The following SUSD1 variants were observed in gnomAD, a reference collection of about 807,000 sequenced individuals.
SUSD1 encodes sushi domain containing 1, also known as sushi domain-containing protein 1.
SUSD1 carries 65 observed loss-of-function variants against 86.9 expected under a neutral mutation model. That is an observed-to-expected ratio of 0.75 (90% confidence interval 0.61 to 0.92). The LOEUF (loss-of-function observed/expected upper bound fraction) is 0.92, where lower values mean the gene tolerates loss of function less well. Ranked by LOEUF, SUSD1 falls within the 40% of genes least tolerant of loss-of-function variation. The pLI is 0.00. For missense variants in SUSD1, 850 were observed against 929.7 expected (o/e 0.91, Z 1.11); for synonymous variants, 346 against 350.0 (o/e 0.99, Z 0.13).
intron 15 of SUSD1, among the ~76,000 whole-genome samples, chr9:112,045,843 G>A (rs1041089638): frequency 6.6e-6 from 1 of 152,138 alleles, no homozygotes; most frequent in South Asian, 2.1e-4. Flanking sequence ...GCCAGAATAC[G>A]CTACATCCAT....
intron 6 of SUSD1, among the ~76,000 whole-genome samples, chr9:112,117,428 ACAGTGTCCAG>A (rs910861397): frequency 2.6e-5 from 4 of 152,182 alleles, no homozygotes; most frequent in African/African-American, 9.7e-5. Context: ...GGAGGCCCCC[ACAGTGTCCAG>A]CTGAAGTCTC....
chr9:112,137,796 C>T (rs1278846386), intron 5 of SUSD1: 4 of 152,156 alleles, frequency 2.6e-5, no homozygotes, highest in African/African-American at 9.7e-5. Flanking sequence ...AAAATTCCAT[C>T]ATGCTCACTT....
intron 13 of SUSD1, among the ~76,000 whole-genome samples, chr9:112,059,376 C>T (rs1258857515): frequency 6.6e-6 from 1 of 152,170 alleles, no homozygotes; most frequent in African/African-American, 2.4e-5. Context: ...CAAATAAAGC[C>T]CAACTGTGGA....
At chr9:112,133,550 G>T (rs569576259) in intron 5 of SUSD1, among the ~76,000 whole-genome samples, 2 of 152,136 alleles carry the variant, frequency 1.3e-5, no homozygotes, top group African/African-American at 4.8e-5. Flanking sequence ...GCCATTTACC[G>T]TACATAAAAA....
rs1345480494 is a variant in SUSD1, at chr9:112,041,327, A to C, written c.*165T>G. 8 of 682,204 alleles carry C rather than the reference A, an allele frequency of 1.2e-5. No individual in the cohort carries two copies. Among genetic ancestry groups the C allele is most frequent in the Admixed American group, 1.1e-4 (5 of 46,342 alleles). 42.3% of individuals were successfully genotyped at this position (682,204 alleles called of 1,614,324 possible). A position where few individuals can be genotyped will look rare whatever the true frequency, so the allele number is the denominator to read the frequency against. Reference sequence around the variant, plus strand: ...TTATGGTGACTCCTCAGGGATAGCCACCATCTTAAATCCAGGAATGGGGCC... The same window carrying C: ...TTATGGTGACTCCTCAGGGATAGCCCCCATCTTAAATCCAGGAATGGGGCC... On this transcript the variant is annotated 3_prime_UTR_variant, in exon 17 of 17. Coordinates refer to ENST00000374270, the MANE Select transcript of SUSD1 (RefSeq NM_022486.5).
chr9:112,074,235 A>T (rs377510169), intron 12 of SUSD1, among the ~76,000 whole-genome samples: 14 of 152,262 alleles, frequency 9.2e-5, no homozygotes, highest in African/African-American at 3.1e-4. Context: ...AAAAAGAAAA[A>T]GAAAATAGCA....
intron 9 of SUSD1, 32 bp downstream of exon 9, chr9:112,102,144 T>C (rs1478939900): frequency 7.7e-7 from 1 of 1,297,000 alleles, no homozygotes; most frequent in Non-Finnish European, 1.1e-6. Flanking sequence ...ATGACACAAT[T>C]CTTTAATGGA....
At chr9:112,045,450 G>A (rs773891108) in intron 15 of SUSD1, among the ~76,000 whole-genome samples, 2 of 152,238 alleles carry the variant, frequency 1.3e-5, no homozygotes, top group African/African-American at 4.8e-5. Flanking sequence ...CATTCAGCTT[G>A]TTTCTAAGCC....
intron 3 of SUSD1, among the ~76,000 whole-genome samples, chr9:112,148,717 C>A (rs1832911832): frequency 6.6e-6 from 1 of 152,008 alleles, no homozygotes. Context: ...ACCAGCCTGG[C>A]CAATGGGGCA....
chr9:112,147,586 T>C lies in SUSD1; in HGVS notation c.373+1658A>G, dbSNP rs990082853. Among the ~76,000 whole-genome samples, 3 of 151,940 alleles carry C rather than the reference T, an allele frequency of 2.0e-5. No homozygotes were observed. The East Asian group carries it at 5.8e-4, about 29-fold the overall frequency. ...GAGATCAAGACCATCCTGGCCAACATGGTGAAACCCCGTCTCTCCTAAAAG... is the reference window on the plus strand; with the variant it reads ...GAGATCAAGACCATCCTGGCCAACACGGTGAAACCCCGTCTCTCCTAAAAG... On this transcript the variant is annotated intron_variant, in intron 3 of 16. Transcript: ENST00000374270.
intron 10 of SUSD1, among the ~76,000 whole-genome samples, chr9:112,094,442 G>A (rs1830317103): frequency 6.6e-6 from 1 of 152,120 alleles, no homozygotes; most frequent in Non-Finnish European, 1.5e-5. Context: ...AACTCAGACC[G>A]GGGATTCTAG....
intron 5 of SUSD1, among the ~76,000 whole-genome samples, chr9:112,141,947 C>A (rs1277545031): frequency 6.9e-6 from 1 of 144,738 alleles, no homozygotes; most frequent in African/African-American, 2.6e-5. Flanking sequence ...TATATATACA[C>A]CTAACATCAA....
At chr9:112,134,061 A>G (rs1832150766) in intron 5 of SUSD1, among the ~76,000 whole-genome samples, 1 of 152,220 alleles carries the variant, frequency 6.6e-6, no homozygotes, top group African/African-American at 2.4e-5. Context: ...AAGACAAAAA[A>G]TAACAGATGC....
chr9:112,141,769 CATTACATGTAATAT>C (rs1832583175), intron 5 of SUSD1, among the ~76,000 whole-genome samples: 1 of 139,588 alleles, frequency 7.2e-6, no homozygotes, highest in Admixed American at 7.5e-5. Flanking sequence ...ATATATAATA[CATTACATGTAATAT>C]ATTACATATA....
chr9:112,058,469 C>T lies in SUSD1; in HGVS notation c.2068G>A (p.Asp690Asn), dbSNP rs773995690. The change falls in exon 14 of 17, where the codon GAT becomes AAT. Residue 690 changes from aspartate to asparagine, a missense_variant. By Grantham distance (23) the Asp-to-Asn change is conservative. Transcript: ENST00000374270. ...GTGATTCGTAATATAATGCAGTAAT[C>T]ACTCCCTCTTTTCAAGGGTGCATTA... ...YYNAPLKRGS[D>N]YCIILRITSE... The T allele has an allele frequency of 2.0e-5, 33 of 1,613,984 alleles. 1 individual carries two copies. Among genetic ancestry groups the T allele is most frequent in the Middle Eastern group, 1.6e-4 (1 of 6,084 alleles).
intron 1 of SUSD1, among the ~76,000 whole-genome samples, chr9:112,162,200 A>G (rs1247796351): frequency 2.0e-5 from 3 of 152,244 alleles, no homozygotes; most frequent in Non-Finnish European, 4.4e-5. Flanking sequence ...TTTGCATCTG[A>G]TGATAATCTG....
At chr9:112,042,095 A>T in intron 15 of SUSD1, 135 bp from the exon 16 acceptor site, 1 of 1,544,306 alleles carries the variant, frequency 6.5e-7, no homozygotes, top group Non-Finnish European at 8.7e-7. Context: ...AGAATGCCCA[A>T]CATGCCTGTG....
At chr9:112,153,615 T>C (rs192147646) in intron 2 of SUSD1, among the ~76,000 whole-genome samples, 1 of 144,916 alleles carries the variant, frequency 6.9e-6, no homozygotes, top group African/African-American at 2.7e-5. Context: ...TACTATACTT[T>C]TTTTTTTTTT....
Position 112,059,878 on chromosome 9 carries a change from T to C in SUSD1, c.1851-1192A>G, listed in dbSNP as rs79461840. Among the ~76,000 whole-genome samples, 136 of 152,334 alleles carry C rather than the reference T, an allele frequency of 8.9e-4. 2 individuals carry two copies. In the East Asian group the frequency reaches 0.021, roughly 24 times the overall value. The stretch of plus-strand genomic sequence containing the variant: ...TCTGTCAGGCTTGATAGCAGGGATC[T>C]GAACGACTGACTTGTATTCTTGCAA... On this transcript the variant is annotated intron_variant, in intron 13 of 16. Transcript: ENST00000374270.
Sources: allele counts gnomAD v4.1 joint callset (sites outside exome capture counted in the v4.1 genomes callset), GRCh38; gene constraint gnomAD v4.1.1; transcripts MANE v1.5; gene names NCBI Gene and HGNC (gene_info 2026-07-23, HGNC 2026-07-21).